The following CYP2E1 variants were observed in gnomAD, a reference collection of about 807,000 sequenced individuals.
The protein encoded by CYP2E1 is cytochrome P450 2E1.
A neutral mutation model predicts 42.9 loss-of-function variants in CYP2E1; 31 were observed. The observed-to-expected ratio is 0.72, with a 90% CI of 0.54 to 0.98. CYP2E1 has a LOEUF of 0.98. Among genes scored for constraint, CYP2E1 ranks in the 50% least tolerant of loss-of-function variants. The pLI, the probability that CYP2E1 is intolerant of heterozygous loss-of-function variation, is 0.00. For synonymous variants in CYP2E1, 244 were observed against 248.9 expected (o/e 0.98, Z 0.19); for missense variants, 565 against 633.2 (o/e 0.89, Z 1.16).
In CYP2E1 at chr10:133,528,627, G is replaced by A; in HGVS notation, c.324G>A (p.Ala108=). 3.1e-6 allele frequency: 5 copies of A among 1,613,250 alleles called. No individual in the cohort carries two copies. The highest frequency in any genetic ancestry group is 1.7e-4 in the Middle Eastern group (1 of 6,030). The stretch of plus-strand genomic sequence containing the variant: ...GAGGCGACCTCCCCGCGTTCCATGC[G>A]CACAGGGACAGGGGTGAGTCCGCGT... ...SGRGDLPAFH[A]HRDRGIIFNN... Residue 108 remains alanine (A), a synonymous_variant, in exon 2 of 9, where the codon GCG becomes GCA. Transcript: ENST00000252945.
At chr10:133,530,700 A>T (rs1043437049) in intron 2 of CYP2E1, among the ~76,000 whole-genome samples, 1 of 152,108 alleles carries the variant, frequency 6.6e-6, no homozygotes, top group Admixed American at 6.5e-5. Context: ...GAAGTACCCA[A>T]AATGTATTTA....
At chr10:133,534,385 G>T (rs1236713224) in intron 6 of CYP2E1, among the ~76,000 whole-genome samples, 3 of 151,806 alleles carry the variant, frequency 2.0e-5, no homozygotes, top group Admixed American at 6.6e-5. Context: ...CCTTCCACAG[G>T]GCTCCTCCCA....
chr10:133,535,814 G>C (rs1339524909), intron 6 of CYP2E1, among the ~76,000 whole-genome samples: 1 of 152,204 alleles, frequency 6.6e-6, no homozygotes, highest in Non-Finnish European at 1.5e-5. Context: ...AATGGCTTCA[G>C]AATTGCTGTG....
At position 133,538,765 on chromosome 10, in the gene CYP2E1, C is replaced by A; in HGVS notation, c.1298-15C>A. ...AACTCCCTCAGTGTCTCATCAATACCATTGTTACTTCTAGGAAAACGAGTG... is the reference window on the plus strand; with the variant it reads ...AACTCCCTCAGTGTCTCATCAATACAATTGTTACTTCTAGGAAAACGAGTG... On this transcript the variant is annotated splice_polypyrimidine_tract_variant and intron_variant, in intron 8 of 8. Transcript: ENST00000252945. 1 of 1,611,258 alleles carries A rather than the reference C, an allele frequency of 6.2e-7. No individual in the cohort carries two copies. Among genetic ancestry groups the A allele is most frequent in the Non-Finnish European group, 8.5e-7 (1 of 1,177,996 alleles).
intron 2 of CYP2E1, among the ~76,000 whole-genome samples, chr10:133,530,809 G>C (rs1483527734): frequency 6.6e-6 from 1 of 152,186 alleles, no homozygotes; most frequent in African/African-American, 2.4e-5. Context: ...GAGTGTGCAG[G>C]GGAACAGGGA....
chr10:133,531,621 TC>T lies in CYP2E1; in HGVS notation c.376del (p.Arg126GlyfsTer5), dbSNP rs1447351275. ...AATAATGGACCTACCTGGAAGGACA[TC>T]CGGCGGTTTTCCCTGACCACCCTCC... ...IFNNGPTWKD[I>X]RRFSLTTLRN... On this transcript the variant is annotated frameshift_variant, in exon 3 of 9. Coordinates refer to ENST00000252945, the MANE Select transcript of CYP2E1 (RefSeq NM_000773.4). LOFTEE classifies it high-confidence loss of function. The T allele has an allele frequency of 1.2e-6, 2 of 1,613,976 alleles. No homozygotes were observed. Among genetic ancestry groups the T allele is most frequent in the Non-Finnish European group, 1.7e-6 (2 of 1,180,026 alleles).
chr10:133,539,059 G>T lies in CYP2E1; in HGVS notation c.*95G>T. 2.2e-6 allele frequency: 2 copies of T among 896,334 alleles called. No individual in the cohort carries two copies. The highest frequency in any genetic ancestry group is 2.5e-5 in the South Asian group (1 of 40,472). The allele number at this position is 896,334 out of a possible 1,614,324, so 55.5% of individuals were successfully genotyped here. A position where few individuals can be genotyped will look rare whatever the true frequency, so the allele number is the denominator to read the frequency against. On this transcript the variant is annotated 3_prime_UTR_variant, in exon 9 of 9. Transcript: ENST00000252945. ...CAAACTGATTCCTTTCTTTGCATAT[G>T]AGTATTTGAAAATAAATATTTTCCC...
At position 133,527,761 on chromosome 10, in the gene CYP2E1, C is replaced by T. The variant is rs78660337; in HGVS notation, c.177+189C>T. Reference sequence around the variant, plus strand: ...TGGTGCAGCTGGAGCCCGGAGCCTGCGTGCCAGGCCCCGGAGGCCCCCGCC... The same window carrying T: ...TGGTGCAGCTGGAGCCCGGAGCCTGTGTGCCAGGCCCCGGAGGCCCCCGCC... On this transcript the variant is annotated intron_variant, in intron 1 of 8. Coordinates refer to ENST00000252945, the MANE Select transcript of CYP2E1 (RefSeq NM_000773.4). Among the ~76,000 whole-genome samples the T allele has an allele frequency of 3.4e-3, 522 of 152,288 alleles. 1 individual carries two copies. The highest frequency in any genetic ancestry group is 6.1e-3 in the Non-Finnish European group (413 of 68,006).
chr10:133,538,279 A>G (rs1589957505), intron 8 of CYP2E1, among the ~76,000 whole-genome samples: 1 of 152,276 alleles, frequency 6.6e-6, no homozygotes, highest in South Asian at 2.1e-4. Flanking sequence ...GTTACCTAGA[A>G]TCATCACAGG....
chr10:133,528,447 G>C (rs755491583), intron 1 of CYP2E1, 34 bp from the exon 2 acceptor site: 18 of 1,607,588 alleles, frequency 1.1e-5, no homozygotes, highest in Middle Eastern at 3.8e-4. Flanking sequence ...CTCGCCGCGC[G>C]GCGGGCCTGA....
intron 4 of CYP2E1, among the ~76,000 whole-genome samples, 159 bp from the exon 5 acceptor site, chr10:133,532,533 G>A: frequency 6.6e-6 from 1 of 152,122 alleles, no homozygotes; most frequent in Non-Finnish European, 1.5e-5. Flanking sequence ...TTGCACTGCT[G>A]AGGAGAATGG....
At chr10:133,527,624 G>A in intron 1 of CYP2E1, 52 bp downstream of exon 1, 1 of 1,425,706 alleles carries the variant, frequency 7.0e-7, no homozygotes, top group Non-Finnish European at 9.8e-7. Context: ...ATTGGATCTG[G>A]TATGTGTGTA....
chr10:133,531,358 C>T (rs1182150784), intron 2 of CYP2E1, among the ~76,000 whole-genome samples: 3 of 152,242 alleles, frequency 2.0e-5, no homozygotes, highest in Non-Finnish European at 4.4e-5. Flanking sequence ...GAAGAAACCA[C>T]AGTGCAGACT....
intron 1 of CYP2E1, 134 bp from the exon 2 acceptor site, chr10:133,528,347 C>G (rs964304171): frequency 1.4e-5 from 15 of 1,089,508 alleles, no homozygotes; most frequent in Non-Finnish European, 2.0e-5. Flanking sequence ...TCGGGCTGGA[C>G]AAAGACAGCT....
intron 5 of CYP2E1, among the ~76,000 whole-genome samples, chr10:133,533,316 T>C (rs1851360548): frequency 6.6e-6 from 1 of 152,216 alleles, no homozygotes; most frequent in Admixed American, 6.5e-5. Flanking sequence ...ATCCTTGTCT[T>C]GTCCTTTCCT....
intron 8 of CYP2E1, 94 bp from the exon 9 acceptor site, chr10:133,538,686 G>T: frequency 8.7e-7 from 1 of 1,145,400 alleles, no homozygotes; most frequent in Non-Finnish European, 1.3e-6. Flanking sequence ...TTTGCCCACA[G>T]CCTCCTCCTC....
intron 2 of CYP2E1, among the ~76,000 whole-genome samples, chr10:133,530,986 A>C (rs1851328632): frequency 4.6e-5 from 7 of 152,198 alleles, no homozygotes; most frequent in Admixed American, 4.6e-4. Flanking sequence ...TCTTGGGAGG[A>C]GAGACAGGGC....
Position 133,533,795 on chromosome 10 carries a change from A to G in CYP2E1, c.865A>G (p.Ile289Val). The change falls in exon 6 of 9, where the codon ATC (isoleucine) becomes GTC (valine). Residue 289 changes from isoleucine (I) to valine (V), a missense_variant. Physicochemically the swap from Ile to Val is conservative, Grantham distance 29. Transcript: ENST00000252945. ...SAERLYTMDG[I>V]TVTVADLFFA... ...AGAGCGCTTGTACACAATGGACGGTATCACCGTGACTGTGGCCGACCTGTT... is the reference window on the plus strand; with the variant it reads ...AGAGCGCTTGTACACAATGGACGGTGTCACCGTGACTGTGGCCGACCTGTT... The G allele has an allele frequency of 1.9e-6, 3 of 1,614,114 alleles. No individual in the cohort carries two copies. The South Asian group carries it at 3.3e-5, about 18-fold the overall frequency.
intron 6 of CYP2E1, among the ~76,000 whole-genome samples, chr10:133,536,725 ATGGT>A (rs1851406501): frequency 2.5e-5 from 2 of 81,110 alleles, no homozygotes; most frequent in African/African-American, 4.0e-5. Flanking sequence ...GGATGGGTGG[ATGGT>A]TGGATGGATG....
Sources: allele counts gnomAD v4.1 joint callset (sites outside exome capture counted in the v4.1 genomes callset), GRCh38; gene constraint gnomAD v4.1.1; transcripts MANE v1.5; gene names NCBI Gene and HGNC (gene_info 2026-07-23, HGNC 2026-07-21).